Variants in CACNA2D3 observed in about 807,000 individuals in gnomAD.
CACNA2D3 encodes the protein calcium voltage-gated channel auxiliary subunit alpha2delta 3.
A neutral mutation model predicts 160.6 loss-of-function variants in CACNA2D3; 60 were observed. That is an observed-to-expected ratio of 0.37 (90% CI 0.30 to 0.46). The LOEUF is 0.46. Among genes scored for constraint, CACNA2D3 ranks in the 20% least tolerant of loss-of-function variants. CACNA2D3 has a pLI of 1.00. For synonymous variants in CACNA2D3, 558 were observed against 492.9 expected (o/e 1.13, Z -1.75); for missense variants, 1,205 against 1,365.0 (o/e 0.88, Z 1.85).
At chr3:54,261,893 C>T (rs1237434522) in intron 2 of CACNA2D3, among the ~76,000 whole-genome samples, 2 of 152,170 alleles carry the variant, frequency 1.3e-5, no homozygotes, top group African/African-American at 4.8e-5. Flanking sequence ...GGTCCCCATA[C>T]TTCCCCCACT....
intron 4 of CACNA2D3, among the ~76,000 whole-genome samples, chr3:54,403,090 G>T (rs919440820): frequency 6.6e-6 from 1 of 152,146 alleles, no homozygotes; most frequent in Non-Finnish European, 1.5e-5. Context: ...GCCAGGCACA[G>T]TGGCTCACAC....
At chr3:54,935,936 CT>C (rs1701317862) in intron 27 of CACNA2D3, among the ~76,000 whole-genome samples, 1 of 152,178 alleles carries the variant, frequency 6.6e-6, no homozygotes, top group South Asian at 2.1e-4. Context: ...CAGGAATCCC[CT>C]TTGTGAGTCC....
intron 11 of CACNA2D3, among the ~76,000 whole-genome samples, chr3:54,735,500 G>GGAT (rs1365433870): frequency 2.0e-5 from 3 of 152,178 alleles, no homozygotes; most frequent in African/African-American, 7.2e-5. Flanking sequence ...CAGCAGCTCT[G>GGAT]GATGACCCTT....
chr3:54,280,239 G>A (rs1430682230), intron 2 of CACNA2D3, among the ~76,000 whole-genome samples: 2 of 152,010 alleles, frequency 1.3e-5, no homozygotes, highest in Admixed American at 6.6e-5. Flanking sequence ...TCGCCACCAC[G>A]CCCAGCTAAT....
At chr3:54,907,291 T>G (rs936159350) in intron 27 of CACNA2D3, among the ~76,000 whole-genome samples, 3 of 152,266 alleles carry the variant, frequency 2.0e-5, no homozygotes, top group African/African-American at 7.2e-5. Flanking sequence ...CCTTTTCACA[T>G]GTGTAAGAGG....
intron 2 of CACNA2D3, among the ~76,000 whole-genome samples, chr3:54,189,171 G>C (rs1462263320): frequency 2.0e-5 from 3 of 152,154 alleles, no homozygotes; most frequent in Admixed American, 1.3e-4. Flanking sequence ...TTTCTACTTG[G>C]CCAGGGTATT....
At chr3:54,749,799 A>T (rs1472690644) in intron 11 of CACNA2D3, among the ~76,000 whole-genome samples, 1 of 152,212 alleles carries the variant, frequency 6.6e-6, no homozygotes, top group African/African-American at 2.4e-5. Context: ...AGGACTACAA[A>T]TCAGTGGAAA....
At chr3:54,752,510 T>C in intron 11 of CACNA2D3, 89 bp from the exon 12 acceptor site, 2 of 816,906 alleles carry the variant, frequency 2.4e-6, no homozygotes, top group Non-Finnish European at 2.1e-6. Flanking sequence ...ATTAAAGAGG[T>C]AAGCCACATG....
chr3:54,159,992 T>C (rs1700313255), intron 2 of CACNA2D3, among the ~76,000 whole-genome samples: 1 of 152,226 alleles, frequency 6.6e-6, no homozygotes, highest in South Asian at 2.1e-4. Flanking sequence ...CCTGGCAAGC[T>C]CTGTAATCTT....
chr3:55,006,366 G>A (rs181239402), intron 32 of CACNA2D3, among the ~76,000 whole-genome samples: 1 of 152,016 alleles, frequency 6.6e-6, no homozygotes, highest in Non-Finnish European at 1.5e-5. Flanking sequence ...AACCTCCAAA[G>A]CTTCCTTAAT....
chr3:54,754,140 G>T (rs981602983), intron 12 of CACNA2D3, among the ~76,000 whole-genome samples: 1 of 152,170 alleles, frequency 6.6e-6, no homozygotes, highest in African/African-American at 2.4e-5. Flanking sequence ...CCTGTTGCAT[G>T]TCAGAAACAA....
At chr3:54,577,090 G>C (rs967880194) in intron 8 of CACNA2D3, among the ~76,000 whole-genome samples, 8 of 152,094 alleles carry the variant, frequency 5.3e-5, no homozygotes, top group African/African-American at 1.9e-4. Context: ...CTTATGTTCA[G>C]ATGGAACAAG....
chr3:54,301,048 A>AG (rs1703464247), intron 2 of CACNA2D3, among the ~76,000 whole-genome samples: 1 of 151,764 alleles, frequency 6.6e-6, no homozygotes, highest in Non-Finnish European at 1.5e-5. Flanking sequence ...GAAAAAATAA[A>AG]GGATAAGTTA....
chr3:54,443,583 T>C (rs1364987644), intron 4 of CACNA2D3, among the ~76,000 whole-genome samples: 1 of 152,158 alleles, frequency 6.6e-6, no homozygotes, highest in East Asian at 1.9e-4. Flanking sequence ...TCACCTGACA[T>C]GTCCACCAAG....
chr3:54,888,951 A>C (rs908554134), intron 24 of CACNA2D3, among the ~76,000 whole-genome samples: 1 of 152,254 alleles, frequency 6.6e-6, no homozygotes, highest in Admixed American at 6.5e-5. Flanking sequence ...ATTATTAAGA[A>C]TCATAACTGC....
chr3:54,968,957 A>T (rs1702215013), intron 28 of CACNA2D3, among the ~76,000 whole-genome samples: 1 of 152,118 alleles, frequency 6.6e-6, no homozygotes, highest in Non-Finnish European at 1.5e-5. Context: ...AGAATCTGGG[A>T]ACATTGTTTT....
intron 11 of CACNA2D3, among the ~76,000 whole-genome samples, chr3:54,729,034 T>C (rs1204844964): frequency 6.6e-6 from 1 of 152,166 alleles, no homozygotes; most frequent in Non-Finnish European, 1.5e-5. Flanking sequence ...TCTGGATTTT[T>C]TTCTGTAGCC....
intron 21 of CACNA2D3, among the ~76,000 whole-genome samples, chr3:54,884,048 A>G (rs994324938): frequency 2.6e-5 from 4 of 152,140 alleles, no homozygotes; most frequent in East Asian, 1.9e-4. Flanking sequence ...TACCTGGCAT[A>G]TAGCAGATGC....
intron 29 of CACNA2D3, among the ~76,000 whole-genome samples, chr3:54,972,176 A>G (rs1702289354): frequency 6.6e-6 from 1 of 152,188 alleles, no homozygotes; most frequent in Admixed American, 6.5e-5. Flanking sequence ...TCTTTTAGCA[A>G]CCATTGGGAT....
Sources: allele counts gnomAD v4.1 joint callset (sites outside exome capture counted in the v4.1 genomes callset), GRCh38; gene constraint gnomAD v4.1.1; transcripts MANE v1.5; gene names NCBI Gene and HGNC (gene_info 2026-07-23, HGNC 2026-07-21).